CPNE4: variants seen among roughly 807,000 people sequenced by gnomAD.
CPNE4 encodes copine-4.
CPNE4 carries 25 observed loss-of-function variants against 67.9 expected under a neutral mutation model. The observed-to-expected ratio is 0.37, with a 90% confidence interval of 0.27 to 0.51. CPNE4 has a LOEUF of 0.51. CPNE4 is among the 20% of genes least tolerant of loss of function. The pLI is 0.93. For synonymous variants in CPNE4, 242 were observed against 244.9 expected (o/e 0.99, Z 0.11); for missense variants, 464 against 690.8 (o/e 0.67, Z 3.68).
At chr3:131,597,257 A>G (rs991906278) in intron 7 of CPNE4, among the ~76,000 whole-genome samples, 3 of 151,918 alleles carry the variant, frequency 2.0e-5, no homozygotes, top group East Asian at 1.9e-4. Context: ...GAGTTGAACA[A>G]TGAAGACACA....
chr3:131,694,131 A>G (rs1013537005), intron 5 of CPNE4, among the ~76,000 whole-genome samples: 3 of 152,162 alleles, frequency 2.0e-5, no homozygotes, highest in African/African-American at 7.2e-5. Context: ...TTTTTCCTAC[A>G]TATTCATACT....
chr3:131,721,389 C>A (rs1392388528), intron 3 of CPNE4, among the ~76,000 whole-genome samples: 1 of 125,280 alleles, frequency 8.0e-6, no homozygotes, highest in Non-Finnish European at 1.6e-5. Context: ...GATTCCCACA[C>A]GGATCTACCT....
At chr3:131,955,798 GCAACA>G (rs1012758433) in intron 1 of CPNE4, among the ~76,000 whole-genome samples, 7 of 152,210 alleles carry the variant, frequency 4.6e-5, no homozygotes, top group African/African-American at 1.7e-4. Context: ...GGCCAGCACA[GCAACA>G]CAATCGCTGT....
At chr3:131,549,146 G>A (rs973495552) in intron 14 of CPNE4, among the ~76,000 whole-genome samples, 3 of 152,126 alleles carry the variant, frequency 2.0e-5, no homozygotes, top group Non-Finnish European at 4.4e-5. Context: ...TTGACATGAG[G>A]TAGGAGCATG....
intron 3 of CPNE4, among the ~76,000 whole-genome samples, chr3:131,722,269 T>G (rs1023846505): frequency 6.6e-6 from 1 of 152,156 alleles, no homozygotes. Flanking sequence ...TTGTGGGTCT[T>G]AAGACATATA....
intron 1 of CPNE4, among the ~76,000 whole-genome samples, chr3:131,923,704 C>CAAAAAAAAAAAAAAAAAAAAAAAAAAAAA (rs3041574): frequency 2.5e-5 from 1 of 39,288 alleles, no homozygotes; most frequent in Non-Finnish European, 4.1e-5. Flanking sequence ...GACTCCGTCT[C>CAAAAAAAAAAAAAAAAAAAAAAAAAAAAA]AAAAAAAAAA....
rs1277802824 is a variant in CPNE4 at position 131,990,694 on chromosome 3, T to C, written c.-2+43873A>G. 1.5e-5 allele frequency among the ~76,000 whole-genome samples: 2 copies of C among 136,336 alleles called. 1 individual carries two copies. The highest frequency in any genetic ancestry group is 3.3e-5 in the Non-Finnish European group (2 of 59,992). 89.4% of individuals were successfully genotyped at this position (136,336 alleles called of 152,430 possible). A position where few individuals can be genotyped will look rare whatever the true frequency, so the allele number is the denominator to read the frequency against. ...TTCAAAAATTTATTGGAATAATCGTTGGTGTCCCTTTCTTTTTCTGTCCTA... is the reference window on the plus strand; with the variant it reads ...TTCAAAAATTTATTGGAATAATCGTCGGTGTCCCTTTCTTTTTCTGTCCTA... On this transcript the variant is annotated intron_variant, in intron 1 of 15. Transcript: ENST00000429747.
chr3:132,012,231 C>T lies in CPNE4; in HGVS notation c.-2+22336G>A, dbSNP rs537568850. On this transcript the variant is annotated intron_variant, in intron 1 of 15. Coordinates refer to ENST00000429747, the MANE Select transcript of CPNE4 (RefSeq NM_130808.3). ...TCACCCAGGCCGGAGTTCAGTGGTG[C>T]GATCTCCGCTCACTGCAATCTCTGC... 1.0e-4 allele frequency among the ~76,000 whole-genome samples: 15 copies of T among 145,676 alleles called. No individual in the cohort carries two copies. In the South Asian group the frequency reaches 2.4e-3, roughly 24 times the overall value.
chr3:131,885,013 T>C (rs1010528109), intron 2 of CPNE4, among the ~76,000 whole-genome samples: 8 of 152,158 alleles, frequency 5.3e-5, no homozygotes, highest in Non-Finnish European at 1.2e-4. Flanking sequence ...CCCAAAAATA[T>C]GGAAGCAACT....
intron 7 of CPNE4, among the ~76,000 whole-genome samples, chr3:131,605,372 T>G (rs549611466): frequency 1.7e-4 from 26 of 152,246 alleles, no homozygotes; most frequent in Admixed American, 1.4e-3. Flanking sequence ...GAGTAGTTTT[T>G]CAGCCCTTAC....
At chr3:131,703,743 A>T (rs1443720734) in intron 3 of CPNE4, among the ~76,000 whole-genome samples, 4 of 152,152 alleles carry the variant, frequency 2.6e-5, no homozygotes, top group African/African-American at 9.7e-5. Context: ...ATATTCTTTA[A>T]AACAGTTACA....
intron 2 of CPNE4, among the ~76,000 whole-genome samples, chr3:131,897,131 A>G (rs527908429): frequency 6.6e-6 from 1 of 152,230 alleles, no homozygotes; most frequent in Admixed American, 6.5e-5. Context: ...TTAATTTTAT[A>G]GACTAGTGGT....
At chr3:131,947,060 A>G (rs1272648922) in intron 1 of CPNE4, among the ~76,000 whole-genome samples, 2 of 152,168 alleles carry the variant, frequency 1.3e-5, no homozygotes, top group Non-Finnish European at 2.9e-5. Context: ...CTACTGGTCT[A>G]TTTATCTACC....
In CPNE4 at chr3:131,879,166, T is replaced by C. The variant is rs1166460417; in HGVS notation, c.180+26098A>G. ...AGACATACTCAGAGTGTTTGTTAGT[T>C]TGTCAGTGAGTAAAAATCACATGGA... On this transcript the variant is annotated intron_variant, in intron 2 of 15. Transcript: ENST00000429747. 3.9e-5 allele frequency among the ~76,000 whole-genome samples: 6 copies of C among 152,032 alleles called. No individual in the cohort carries two copies. In the East Asian group the frequency reaches 1.2e-3, roughly 29 times the overall value.
chr3:131,926,165 G>A (rs1385271116), intron 1 of CPNE4, among the ~76,000 whole-genome samples: 1 of 152,160 alleles, frequency 6.6e-6, no homozygotes, highest in Non-Finnish European at 1.5e-5. Context: ...AGAAAGAAGA[G>A]GCAGGTGTGA....
chr3:131,877,144 A>C (rs2087493113), intron 2 of CPNE4, among the ~76,000 whole-genome samples: 1 of 152,086 alleles, frequency 6.6e-6, no homozygotes, highest in Non-Finnish European at 1.5e-5. Context: ...TTAAATGGCC[A>C]TTGAGATATA....
At position 131,830,375 on chromosome 3, in the gene CPNE4, A is replaced by G. The variant is rs572412854; in HGVS notation, c.180+74889T>C. Among the ~76,000 whole-genome samples the G allele has an allele frequency of 2.6e-5, 4 of 152,244 alleles. No individual in the cohort carries two copies. In the South Asian group the frequency reaches 8.3e-4, roughly 32 times the overall value. The stretch of plus-strand genomic sequence containing the variant: ...TTATTTCTCTTCTGGCAACCAGCTG[A>G]CAGGGTGAATCTTTTAAAAGATAAG... On this transcript the variant is annotated intron_variant, in intron 2 of 15. Transcript: ENST00000429747.
chr3:131,788,972 G>A (rs1390987997), intron 2 of CPNE4, among the ~76,000 whole-genome samples: 3 of 149,620 alleles, frequency 2.0e-5, no homozygotes, highest in Non-Finnish European at 3.0e-5. Context: ...TTCACACTGT[G>A]CACATATTAA....
Position 131,914,165 on chromosome 3 carries a change from A to T in CPNE4, c.-1-8721T>A, listed in dbSNP as rs375687366. Among the ~76,000 whole-genome samples the T allele has an allele frequency of 5.9e-5, 9 of 152,310 alleles. No individual in the cohort carries two copies. In the East Asian group the frequency reaches 9.6e-4, roughly 16 times the overall value. On this transcript the variant is annotated intron_variant, in intron 1 of 15. Transcript: ENST00000429747. ...ATAGGCAAGAAATTGCATCCTAGAA[A>T]GGTACAACAACTGCACATAGCTGTC...
Sources: allele counts gnomAD v4.1 joint callset (sites outside exome capture counted in the v4.1 genomes callset), GRCh38; gene constraint gnomAD v4.1.1; transcripts MANE v1.5; gene names NCBI Gene and HGNC (gene_info 2026-07-23, HGNC 2026-07-21).